Variants in PIAS3 observed in about 807,000 individuals in gnomAD.
PIAS3 encodes E3 SUMO-protein ligase PIAS3.
PIAS3 carries 34 observed loss-of-function variants against 67.6 expected under a neutral mutation model. The ratio of observed to expected loss-of-function variants is 0.50; its 90% CI spans 0.38 to 0.67. PIAS3 has a LOEUF of 0.67. Among genes scored for constraint, PIAS3 ranks in the 30% least tolerant of loss-of-function variants. The pLI, the probability that PIAS3 is intolerant of heterozygous loss-of-function variation, is 0.00. For missense variants in PIAS3, 693 were observed against 791.6 expected, an observed-to-expected ratio of 0.88 and a Z score of 1.49; for synonymous variants, 341 against 313.8, an observed-to-expected ratio of 1.09 and a Z score of -0.92.
chr1:145,855,080 C>G (rs1230685980), intron 5 of PIAS3, among the ~76,000 whole-genome samples, 200 bp from the exon 6 acceptor site: 1 of 152,154 alleles, frequency 6.6e-6, no homozygotes, highest in Non-Finnish European at 1.5e-5. Flanking sequence ...GGGTTCACTC[C>G]TGGGGAGAAA....
intron 9 of PIAS3, among the ~76,000 whole-genome samples, chr1:145,852,659 T>G (rs782205951): frequency 6.6e-6 from 1 of 151,654 alleles, no homozygotes; most frequent in Middle Eastern, 3.4e-3. Flanking sequence ...AATGCAATCA[T>G]AGCTCACTGC....
rs143164855 is a variant in PIAS3, at chr1:145,851,155, TG to T, written c.1146-3del. 7 of 1,613,572 alleles carry T rather than the reference TG, an allele frequency of 4.3e-6. No homozygotes were observed. Among genetic ancestry groups the T allele is most frequent in the Non-Finnish European group, 5.1e-6 (6 of 1,179,658 alleles). On this transcript the variant is annotated splice_polypyrimidine_tract_variant and splice_region_variant and intron_variant, in intron 9 of 13. Transcript: ENST00000393045. ...GAACTAAGAATCTCCATAAATAAAC[TG>T]GGGGAAGAGAGAGATGAAAATTCAC...
chr1:145,850,192 C>T, intron 13 of PIAS3, 40 bp downstream of exon 13: 1 of 1,613,646 alleles, frequency 6.2e-7, no homozygotes, highest in Non-Finnish European at 8.5e-7. Flanking sequence ...AGAAAGGAAG[C>T]TTCAGAGATC....
chr1:145,851,382 G>A (rs376631019), intron 9 of PIAS3: 17 of 503,712 alleles, frequency 3.4e-5, no homozygotes, highest in South Asian at 9.5e-5. Flanking sequence ...GAGGCTGGGT[G>A]CAGTGGCTCA....
intron 9 of PIAS3, 177 bp from the exon 10 acceptor site, chr1:145,851,330 G>C (rs1652955738): frequency 1.5e-6 from 1 of 676,046 alleles, no homozygotes; most frequent in African/African-American, 1.8e-5. Context: ...ATGTAAAAGA[G>C]CTTTGCAAAG....
Position 145,855,779 on chromosome 1 carries a change from G to T in PIAS3, c.626C>A (p.Pro209His). 8 of 1,610,828 alleles carry T rather than the reference G, an allele frequency of 5.0e-6. No individual in the cohort carries two copies. Among genetic ancestry groups the T allele is most frequent in the South Asian group, 1.1e-5 (1 of 91,006 alleles). The part of the protein sequence containing the change: ...TSCPQEDYFP[P>H]NLFVKVNGKL... ...CCCATTGACCTTGACAAAGAGGTTG[G>T]GGGGAAAATAATCTTCCTGGGGGCA... Residue 209 changes from proline to histidine, a missense_variant, in exon 5 of 14, where the codon CCC becomes CAC. By Grantham distance (77) the Pro-to-His change is moderately conservative (BLOSUM62 -2). This residue lies in a region of PIAS3 where 308 missense variants were observed against 348.8 expected (regional missense o/e 0.88). Coordinates refer to ENST00000393045, the MANE Select transcript of PIAS3 (RefSeq NM_006099.3).
chr1:145,853,795 T>A lies in PIAS3; in HGVS notation c.984+18A>T. On this transcript the variant is annotated intron_variant, in intron 8 of 13. Transcript: ENST00000393045. ...CCAACTCCCTTCCCACCCTGTTCCCTTCTCCCCTTTTACCCACCGGGCACA... is the reference window on the plus strand; with the variant it reads ...CCAACTCCCTTCCCACCCTGTTCCCATCTCCCCTTTTACCCACCGGGCACA... 1 of 1,613,052 alleles carries A rather than the reference T, an allele frequency of 6.2e-7. No homozygotes were observed. The highest frequency in any genetic ancestry group is 8.5e-7 in the Non-Finnish European group (1 of 1,179,028).
intron 13 of PIAS3, 175 bp from the exon 14 acceptor site, chr1:145,849,887 TC>T (rs1275302734): frequency 6.9e-7 from 1 of 1,455,784 alleles, no homozygotes; most frequent in Admixed American, 2.7e-5. Flanking sequence ...CCTTCCCCTT[TC>T]CCTGCCTTGA....
At chr1:145,854,932 T>C (rs1653103855) in intron 5 of PIAS3, 52 bp from the exon 6 acceptor site, 1 of 1,601,514 alleles carries the variant, frequency 6.2e-7, no homozygotes, top group Admixed American at 1.7e-5. Context: ...GAAGGGGCTC[T>C]GCTCTTTGAA....
At chr1:145,855,877 G>A (rs782014268) in intron 4 of PIAS3, 51 bp from the exon 5 acceptor site, 4 of 1,249,982 alleles carry the variant, frequency 3.2e-6, no homozygotes, top group Admixed American at 3.4e-5. Flanking sequence ...TTCTTAACTT[G>A]AATCTGGCAG....
rs782676953 is a variant in PIAS3, at chr1:145,850,806, G to C, written c.1413C>G (p.Thr471=). 3 of 1,614,216 alleles carry C rather than the reference G, an allele frequency of 1.9e-6. No individual in the cohort carries two copies. Among genetic ancestry groups the C allele is most frequent in the Non-Finnish European group, 2.5e-6 (3 of 1,180,042 alleles). Residue 471 remains threonine (T), a synonymous_variant, in exon 11 of 14, where the codon ACC becomes ACG. Transcript: ENST00000393045. Reference sequence around the variant, plus strand: ...CAGGTAGGGCCGGGATGGCAGCTGAGGTGACAGAACAGTGCTTCTTGGTAG... The same window carrying C: ...CAGGTAGGGCCGGGATGGCAGCTGACGTGACAGAACAGTGCTTCTTGGTAG... The part of the protein sequence containing the change: ...LPPTKKHCSV[T]SAAIPALPGS...
In PIAS3 at chr1:145,853,561, G is replaced by T; in HGVS notation, c.1088C>A (p.Thr363Lys). 1.2e-6 allele frequency: 2 copies of T among 1,614,116 alleles called. No individual in the cohort carries two copies. The highest frequency in any genetic ancestry group is 2.2e-5 in the South Asian group (2 of 91,080). Residue 363 changes from threonine (T) to lysine (K), a missense_variant, in exon 9 of 14, where the codon ACA becomes AAA. Thr to Lys is a moderately conservative substitution (Grantham distance 78, BLOSUM62 -1). Coordinates refer to ENST00000393045, the MANE Select transcript of PIAS3 (RefSeq NM_006099.3). ...LYLQMNEKKPTWTCPVCDKKA... is the reference protein window; with the variant it reads ...LYLQMNEKKPKWTCPVCDKKA... Reference sequence around the variant, plus strand: ...CTTGTCACACACAGGACATGTCCATGTAGGCTTCTTCTCATTCATCTGTAG... The same window carrying T: ...CTTGTCACACACAGGACATGTCCATTTAGGCTTCTTCTCATTCATCTGTAG...
At position 145,859,068 on chromosome 1, in the gene PIAS3, C is replaced by G; in HGVS notation, c.-78G>C. On this transcript the variant is annotated 5_prime_UTR_variant, in exon 1 of 14. Transcript: ENST00000393045. ...GGCGCACAACTCTCCACCCTGGCGC[C>G]GGCCGCAAATGCCGCCTGCTCCGCC... 1.4e-6 allele frequency: 2 copies of G among 1,451,296 alleles called. No homozygotes were observed. Among genetic ancestry groups the G allele is most frequent in the South Asian group, 1.3e-5 (1 of 78,248 alleles). The allele number at this position is 1,451,296 out of a possible 1,614,324, so 89.9% of individuals were successfully genotyped here.
intron 9 of PIAS3, among the ~76,000 whole-genome samples, chr1:145,852,575 G>A (rs1377978033): frequency 4.7e-5 from 7 of 147,812 alleles, no homozygotes; most frequent in African/African-American, 1.7e-4. Flanking sequence ...CTGGGTGAGT[G>A]TCACTAGCCA....
rs782725850 is a variant in PIAS3, at chr1:145,854,545, A to C, written c.823T>G (p.Tyr275Asp). 5.6e-6 allele frequency: 9 copies of C among 1,613,852 alleles called. No homozygotes were observed. The highest frequency in any genetic ancestry group is 6.8e-6 in the Non-Finnish European group (8 of 1,179,748). ...CCTGCAGTCAACTGCCTCACCAGGT[A>C]CACAGACAAGGAGTAATTCTACTTG... ...EFGRNYSLSV[Y>D]LVRQLTAGTL... is the part of the protein sequence containing the mutation. The change falls in exon 7 of 14, where the codon TAC becomes GAC. Residue 275 changes from tyrosine to aspartate, a missense_variant. By Grantham distance (160) the Tyr-to-Asp change is radical (BLOSUM62 -3). Transcript: ENST00000393045.
Position 145,855,799 on chromosome 1 carries a change from G to C in PIAS3, c.606C>G (p.Pro202=). ...LRFCLCETSC[P]QEDYFPPNLF... ...GGTTGGGGGGAAAATAATCTTCCTGGGGGCAGCTGGTCTCACAGAGACAGA... is the reference window on the plus strand; with the variant it reads ...GGTTGGGGGGAAAATAATCTTCCTGCGGGCAGCTGGTCTCACAGAGACAGA... Residue 202 remains proline, a synonymous_variant, in exon 5 of 14, where the codon CCC becomes CCG. Coordinates refer to ENST00000393045, the MANE Select transcript of PIAS3 (RefSeq NM_006099.3). 6.2e-7 allele frequency: 1 copy of C among 1,607,422 alleles called. No homozygotes were observed.
rs1480229965 is a variant in PIAS3 at position 145,853,556 on chromosome 1, T to A, written c.1093A>T (p.Thr365Ser). 1 of 1,613,986 alleles carries A rather than the reference T, an allele frequency of 6.2e-7. No individual in the cohort carries two copies. Among genetic ancestry groups the A allele is most frequent in the African/African-American group, 1.3e-5 (1 of 74,912 alleles). ...GCCTTCTTGTCACACACAGGACATG[T>A]CCATGTAGGCTTCTTCTCATTCATC... is the stretch of plus-strand genomic sequence containing the variant. ...LQMNEKKPTW[T>S]CPVCDKKAPY... Residue 365 changes from threonine to serine, a missense_variant, in exon 9 of 14, where the codon ACA (threonine) becomes TCA (serine). Transcript: ENST00000393045.
chr1:145,853,326 C>T (rs1213124123), intron 9 of PIAS3, among the ~76,000 whole-genome samples, 178 bp downstream of exon 9: 2 of 151,664 alleles, frequency 1.3e-5, no homozygotes, highest in African/African-American at 2.4e-5. Flanking sequence ...AGGAGTATCG[C>T]CTGAACCCGG....
rs1362055661 is a variant in PIAS3 at position 145,853,846 on chromosome 1, G to A, written c.951C>T (p.Ala317=). 6.2e-6 allele frequency: 10 copies of A among 1,613,912 alleles called. No individual in the cohort carries two copies. The African/African-American group carries it at 1.3e-4, about 22-fold the overall frequency. The change falls in exon 8 of 14, where the codon GCC becomes GCT. Residue 317 remains alanine, a synonymous_variant. Transcript: ENST00000393045. ...KLTADPDSEV[A]TTSLRVSLMC... The stretch of plus-strand genomic sequence containing the variant: ...TGAGTGACACCCGGAGACTTGTAGT[G>A]GCCACCTCACTGTCAGGGTCAGCAG...
Sources: allele counts gnomAD v4.1 joint callset (sites outside exome capture counted in the v4.1 genomes callset), GRCh38; gene constraint gnomAD v4.1.1; regional missense constraint gnomAD v4.1.1; transcripts MANE v1.5; gene names NCBI Gene and HGNC (gene_info 2026-07-23, HGNC 2026-07-21).